OTUD7B: variants seen among roughly 807,000 people sequenced by gnomAD.
OTUD7B encodes OTU deubiquitinase 7B.
A neutral mutation model predicts 82.2 loss-of-function variants in OTUD7B; 34 were observed. The observed-to-expected ratio is 0.41, with a 90% confidence interval of 0.31 to 0.55. The LOEUF (loss-of-function observed/expected upper bound fraction) is 0.55. Among genes scored for constraint, OTUD7B ranks in the 20% least tolerant of loss-of-function variants. The probability of loss-of-function intolerance (pLI) is 0.20; values close to 1 mark genes in which losing one functional copy is unlikely to be tolerated. For missense variants in OTUD7B, 944 were observed against 1,062.1 expected, an observed-to-expected ratio of 0.89 and a Z score of 1.55; for synonymous variants, 398 against 402.7, an observed-to-expected ratio of 0.99 and a Z score of 0.14.
chr1:149,945,121 TC>T, intron 11 of OTUD7B, 56 bp from the exon 12 acceptor site: 1 of 1,564,466 alleles, frequency 6.4e-7, no homozygotes. Context: ...GGTGGGGGAA[TC>T]CCCCAGGGAC....
At chr1:150,022,969 T>C in the OTUD7B span, among the ~76,000 whole-genome samples, 1 of 152,150 alleles carries the variant, frequency 6.6e-6, no homozygotes, top group Non-Finnish European at 1.5e-5. Context: ...AAGAGATTTA[T>C]CACAATTAAA....
At chr1:150,048,788 A>G in the OTUD7B span, among the ~76,000 whole-genome samples, 2,873 of 152,260 alleles carry the variant, frequency 0.019, 112 homozygotes, top group African/African-American at 0.066. Context: ...CATAAAACTC[A>G]TAGATTAATA....
chr1:150,014,049 T>TATAC (rs1553787996), upstream of OTUD7B, among the ~76,000 whole-genome samples: 1 of 102,518 alleles, frequency 9.8e-6, no homozygotes, highest in African/African-American at 3.9e-5. Flanking sequence ...TATATGTGTG[T>TATAC]GTATATATAT....
At chr1:149,985,423 AAAAC>A (rs1292695505) in intron 1 of OTUD7B, among the ~76,000 whole-genome samples, 3 of 151,968 alleles carry the variant, frequency 2.0e-5, no homozygotes, top group Non-Finnish European at 2.9e-5. Context: ...AACAAACAAA[AAAAC>A]AAATTCCTAT....
intron 2 of OTUD7B, among the ~76,000 whole-genome samples, chr1:149,975,859 A>G (rs1571669381): frequency 6.6e-6 from 1 of 152,162 alleles, no homozygotes; most frequent in East Asian, 1.9e-4. Context: ...CATCTCTACT[A>G]AAAATACACA....
chr1:149,948,348 G>A (rs1647912459), intron 10 of OTUD7B, among the ~76,000 whole-genome samples: 1 of 148,134 alleles, frequency 6.8e-6, no homozygotes, highest in Non-Finnish European at 1.5e-5. Context: ...TAAGACATGT[G>A]ATTTGATTAT....
At chr1:150,019,714 A>G in the OTUD7B span, among the ~76,000 whole-genome samples, 2 of 152,104 alleles carry the variant, frequency 1.3e-5, no homozygotes, top group Non-Finnish European at 2.9e-5. Flanking sequence ...ATAATAGTAA[A>G]TATTATTATC....
the OTUD7B span, among the ~76,000 whole-genome samples, chr1:150,019,512 C>A: frequency 6.6e-6 from 1 of 152,072 alleles, no homozygotes; most frequent in Non-Finnish European, 1.5e-5. Context: ...GAATTACAGG[C>A]ATGGGCACCA....
At chr1:149,964,670 C>T (rs1034082960) in intron 5 of OTUD7B, among the ~76,000 whole-genome samples, 1 of 151,148 alleles carries the variant, frequency 6.6e-6, no homozygotes, top group East Asian at 2.0e-4. Context: ...CTTGGCTTAC[C>T]GCAACTTCCG....
Position 149,944,061 on chromosome 1 carries a change from G to A in OTUD7B, c.2328C>T (p.Ser776=). The A allele has an allele frequency of 6.2e-7, 1 of 1,614,208 alleles. No individual in the cohort carries two copies. The highest frequency in any genetic ancestry group is 1.3e-5 in the African/African-American group (1 of 75,062). ...PPPYRVADSY[S]NGYREPPEPD... Reference sequence around the variant, plus strand: ...GCTCAGGGGGCTCTCTGTAGCCATTGCTATAGGAATCAGCCACTCGGTAGG... The same window carrying A: ...GCTCAGGGGGCTCTCTGTAGCCATTACTATAGGAATCAGCCACTCGGTAGG... Residue 776 remains serine, a synonymous_variant, in exon 12 of 12, where the codon AGC becomes AGT. Coordinates refer to ENST00000581312, the MANE Select transcript of OTUD7B (RefSeq NM_020205.4).
intron 10 of OTUD7B, among the ~76,000 whole-genome samples, chr1:149,947,644 T>C (rs903999437): frequency 1.3e-5 from 2 of 152,198 alleles, no homozygotes; most frequent in Admixed American, 6.5e-5. Flanking sequence ...ATAGTAGCCA[T>C]TATCATTGTT....
At chr1:150,043,963 A>T in the OTUD7B span, among the ~76,000 whole-genome samples, 528 of 152,098 alleles carry the variant, frequency 3.5e-3, 4 homozygotes, top group African/African-American at 0.012. Context: ...TACAAATTTT[A>T]AAAAATTATT....
In OTUD7B at chr1:149,964,291, C is replaced by T; in HGVS notation, c.663G>A (p.Met221Ile). The T allele has an allele frequency of 6.2e-7, 1 of 1,614,138 alleles. No individual in the cohort carries two copies. Among genetic ancestry groups the T allele is most frequent in the Non-Finnish European group, 8.5e-7 (1 of 1,180,008 alleles). ...LMLRKALYALMEKGVEKEALK... is the reference protein window; with the variant it reads ...LMLRKALYALIEKGVEKEALK... ...ACGCTTCCTTCTCAACTCCCTTCTC[C>T]ATCAGTGCATACAAAGCTTTCCGCA... The change falls in exon 6 of 12, where the codon ATG (methionine) becomes ATA (isoleucine). Residue 221 changes from methionine to isoleucine, a missense_variant. This residue lies in a region of OTUD7B where 530 missense variants were observed against 625.6 expected (regional missense o/e 0.85). Transcript: ENST00000581312.
the OTUD7B span, among the ~76,000 whole-genome samples, chr1:150,016,714 A>G: frequency 6.2e-4 from 94 of 152,254 alleles, no homozygotes; most frequent in Middle Eastern, 3.4e-3. Context: ...GGCCTCCCAA[A>G]GTGCTGAGAT....
chr1:150,044,523 C>T, the OTUD7B span, among the ~76,000 whole-genome samples: 1 of 151,580 alleles, frequency 6.6e-6, no homozygotes, highest in South Asian at 2.1e-4. Context: ...ATGAGCCCAC[C>T]ACCTGGGGTG....
At chr1:150,061,166 A>T in the OTUD7B span, among the ~76,000 whole-genome samples, 1 of 152,214 alleles carries the variant, frequency 6.6e-6, no homozygotes, top group African/African-American at 2.4e-5. Context: ...CTGGGATTAT[A>T]GGCGTAAGCC....
the OTUD7B span, among the ~76,000 whole-genome samples, chr1:150,037,905 G>A: frequency 1.3e-5 from 2 of 151,910 alleles, no homozygotes; most frequent in East Asian, 3.9e-4. Flanking sequence ...GTCCCATTCT[G>A]TTGCCCAGGC....
In OTUD7B at chr1:149,944,158, T is replaced by A. The variant is rs782249280; in HGVS notation, c.2231A>T (p.Asp744Val). 3 of 1,613,876 alleles carry A rather than the reference T, an allele frequency of 1.9e-6. No individual in the cohort carries two copies. ...GCCTGGCTCCAGAGAAGGGATGCTGTCCTGGTGGGGGTAGGGTCGCCCAGG... is the reference window on the plus strand; with the variant it reads ...GCCTGGCTCCAGAGAAGGGATGCTGACCTGGTGGGGGTAGGGTCGCCCAGG... ...CPPGRPYPHQ[D>V]SIPSLEPGSH... Residue 744 changes from aspartate to valine, a missense_variant, in exon 12 of 12, where the codon GAC (aspartate) becomes GTC (valine). By Grantham distance (152) the Asp-to-Val change is radical. This residue lies in a region of OTUD7B where 412 missense variants were observed against 418.7 expected (regional missense o/e 0.98). Transcript: ENST00000581312.
At position 149,942,189 on chromosome 1, in the gene OTUD7B, C is replaced by T. The variant is rs1314451917; in HGVS notation, c.*1668G>A. The T allele has an allele frequency of 5.2e-5, 8 of 152,584 alleles. No homozygotes were observed. The highest frequency in any genetic ancestry group is 1.9e-4 in the African/African-American group (8 of 41,426). 9.5% of individuals were successfully genotyped at this position (152,584 alleles called of 1,614,324 possible). ...CCAAGGGATGGGTTATGAGTACATACCTCAAAAGAGAAATCCAAACACAGA... is the reference window on the plus strand; with the variant it reads ...CCAAGGGATGGGTTATGAGTACATATCTCAAAAGAGAAATCCAAACACAGA... On this transcript the variant is annotated 3_prime_UTR_variant, in exon 12 of 12. Transcript: ENST00000581312.
Sources: allele counts gnomAD v4.1 joint callset (sites outside exome capture counted in the v4.1 genomes callset), GRCh38; gene constraint gnomAD v4.1.1; regional missense constraint gnomAD v4.1.1; transcripts MANE v1.5; gene names NCBI Gene and HGNC (gene_info 2026-07-23, HGNC 2026-07-21).